CSMD1: variants seen among roughly 807,000 people sequenced by gnomAD.
The protein encoded by CSMD1 is CUB and Sushi multiple domains 1, also known as CUB and sushi domain-containing protein 1.
CSMD1 carries 213 observed loss-of-function variants against 417.5 expected under a neutral mutation model. The observed-to-expected ratio is 0.51, with a 90% confidence interval of 0.46 to 0.57. The LOEUF (loss-of-function observed/expected upper bound fraction) is 0.57. Among genes scored for constraint, CSMD1 ranks in the 20% least tolerant of loss-of-function variants. The pLI, the probability that CSMD1 is intolerant of heterozygous loss-of-function variation, is 0.00. For synonymous variants in CSMD1, 2,862 were observed against 1,736.8 expected (o/e 1.65, Z -16.11); for missense variants, 6,923 against 4,529.7 (o/e 1.53, Z -15.17).
intron 3 of CSMD1, among the ~76,000 whole-genome samples, chr8:4,070,176 G>A (rs1270548809): frequency 1.3e-5 from 2 of 151,750 alleles, no homozygotes; most frequent in African/African-American, 4.8e-5. Context: ...CAATTTTAGA[G>A]GTGCATTTAC....
intron 3 of CSMD1, among the ~76,000 whole-genome samples, chr8:4,160,205 G>A (rs1797068833): frequency 6.6e-6 from 1 of 151,964 alleles, no homozygotes; most frequent in South Asian, 2.1e-4. Context: ...CTTTTATATA[G>A]CAAAAATCTG....
chr8:4,823,721 C>T (rs1799648354), intron 1 of CSMD1, among the ~76,000 whole-genome samples: 1 of 151,842 alleles, frequency 6.6e-6, no homozygotes, highest in African/African-American at 2.4e-5. Context: ...AATACAGATA[C>T]TACAGAAGTG....
chr8:4,060,562 C>A (rs912382643), intron 3 of CSMD1, among the ~76,000 whole-genome samples: 1 of 152,064 alleles, frequency 6.6e-6, no homozygotes. Flanking sequence ...GTTAACAGTG[C>A]GAATGAGTTC....
chr8:2,986,970 T>G (rs1585098642), intron 54 of CSMD1, among the ~76,000 whole-genome samples: 1 of 152,166 alleles, frequency 6.6e-6, no homozygotes, highest in African/African-American at 2.4e-5. Flanking sequence ...ATATGCAAAT[T>G]CTCTACACCA....
chr8:4,220,555 G>C lies in CSMD1; in HGVS notation c.416-188456C>G, dbSNP rs568894216. ...ATGGAGACATTACTAAACAATTTTAGGTTTTGTGTGAAATAATTGTGGCTT... is the reference window on the plus strand; with the variant it reads ...ATGGAGACATTACTAAACAATTTTACGTTTTGTGTGAAATAATTGTGGCTT... On this transcript the variant is annotated intron_variant, in intron 3 of 69. Coordinates refer to ENST00000635120, the MANE Select transcript of CSMD1 (RefSeq NM_033225.6). Among the ~76,000 whole-genome samples the C allele has an allele frequency of 2.1e-4, 32 of 152,304 alleles. No homozygotes were observed. In the East Asian group the frequency reaches 2.7e-3, roughly 13 times the overall value.
intron 6 of CSMD1, among the ~76,000 whole-genome samples, chr8:3,752,431 G>A (rs1382294460): frequency 6.6e-6 from 1 of 152,094 alleles, no homozygotes; most frequent in East Asian, 1.9e-4. Flanking sequence ...GAGGCAGGCA[G>A]ATCATCTGAG....
intron 25 of CSMD1, among the ~76,000 whole-genome samples, chr8:3,294,145 T>G (rs1259784418): frequency 6.6e-6 from 1 of 152,142 alleles, no homozygotes; most frequent in African/African-American, 2.4e-5. Context: ...ACAGCAGATG[T>G]TGGTGAACAG....
chr8:4,248,320 T>A (rs1050750091), intron 3 of CSMD1, among the ~76,000 whole-genome samples: 2 of 152,146 alleles, frequency 1.3e-5, no homozygotes, highest in Non-Finnish European at 2.9e-5. Flanking sequence ...AATCAATCAA[T>A]GCATGAAAGT....
intron 6 of CSMD1, among the ~76,000 whole-genome samples, chr8:3,739,758 G>C (rs1458790119): frequency 1.3e-5 from 2 of 151,300 alleles, no homozygotes; most frequent in Admixed American, 1.3e-4. Flanking sequence ...AATAGCAACA[G>C]ATGCTACAGT....
chr8:4,962,525 A>G (rs1248610613), intron 1 of CSMD1, among the ~76,000 whole-genome samples: 4 of 152,162 alleles, frequency 2.6e-5, no homozygotes, highest in African/African-American at 4.8e-5. Flanking sequence ...TTCTGTTTTT[A>G]TCTTATGAAG....
chr8:4,779,341 G>A lies in CSMD1; in HGVS notation c.86-141783C>T, dbSNP rs537299151. ...TTAAAAAATCAAGGGAAACTAACTC[G>A]AACTGGCTCAAAGGATAATTTTTTA... On this transcript the variant is annotated intron_variant, in intron 1 of 69. Transcript: ENST00000635120. 4.4e-3 allele frequency among the ~76,000 whole-genome samples: 663 copies of A among 152,140 alleles called. 5 individuals are homozygous for A. The highest frequency in any genetic ancestry group is 5.3e-3 in the Non-Finnish European group (362 of 68,006).
chr8:3,728,148 A>G (rs1044318280), intron 6 of CSMD1, among the ~76,000 whole-genome samples: 1 of 152,214 alleles, frequency 6.6e-6, no homozygotes, highest in Non-Finnish European at 1.5e-5. Flanking sequence ...AGTGGGAGAT[A>G]AATGAATCAT....
Position 4,006,235 on chromosome 8 carries a change from C to T in CSMD1, c.611-8125G>A, listed in dbSNP as rs150310571. Among the ~76,000 whole-genome samples, 439 of 152,182 alleles carry T rather than the reference C, an allele frequency of 2.9e-3. 1 individual carries two copies. Among genetic ancestry groups the T allele is most frequent in the African/African-American group, 8.8e-3 (364 of 41,520 alleles). ...GGGACAGAAATATATTGACTTTGTG[C>T]GCAGGAGTAAGGATCATTCACCCAC... is the stretch of plus-strand genomic sequence containing the variant. On this transcript the variant is annotated intron_variant, in intron 4 of 69. Coordinates refer to ENST00000635120, the MANE Select transcript of CSMD1 (RefSeq NM_033225.6).
chr8:3,734,095 G>C (rs933211701), intron 6 of CSMD1, among the ~76,000 whole-genome samples: 1 of 152,116 alleles, frequency 6.6e-6, no homozygotes, highest in Non-Finnish European at 1.5e-5. Flanking sequence ...TCTTATCCTT[G>C]AGTTCCAATG....
chr8:3,458,099 C>T (rs1056132699), intron 12 of CSMD1, among the ~76,000 whole-genome samples: 2 of 152,124 alleles, frequency 1.3e-5, no homozygotes, highest in Admixed American at 1.3e-4. Context: ...TAACGTGAGC[C>T]CCGCAGCGCT....
chr8:4,697,328 C>G (rs1259348786), intron 1 of CSMD1, among the ~76,000 whole-genome samples: 2 of 152,006 alleles, frequency 1.3e-5, no homozygotes, highest in South Asian at 4.2e-4. Context: ...CCCTTCTCAC[C>G]AAAAGTTGCA....
At chr8:4,060,566 T>A (rs915596466) in intron 3 of CSMD1, among the ~76,000 whole-genome samples, 2 of 152,156 alleles carry the variant, frequency 1.3e-5, no homozygotes, top group African/African-American at 4.8e-5. Context: ...ACAGTGCGAA[T>A]GAGTTCCAGG....
chr8:3,412,102 A>G (rs982206233), intron 12 of CSMD1, among the ~76,000 whole-genome samples: 1 of 121,334 alleles, frequency 8.2e-6, no homozygotes, highest in African/African-American at 3.7e-5. Flanking sequence ...ACGTATATAT[A>G]CATATATACA....
intron 4 of CSMD1, among the ~76,000 whole-genome samples, chr8:4,028,260 C>A (rs1218840658): frequency 1.3e-5 from 2 of 152,114 alleles, no homozygotes; most frequent in African/African-American, 4.8e-5. Context: ...TCTATTAGCA[C>A]AAATACCTTG....
Sources: allele counts gnomAD v4.1 joint callset (sites outside exome capture counted in the v4.1 genomes callset), GRCh38; gene constraint gnomAD v4.1.1; transcripts MANE v1.5; gene names NCBI Gene and HGNC (gene_info 2026-07-23, HGNC 2026-07-21).